PPP4R1: variants seen among roughly 807,000 people sequenced by gnomAD.
PPP4R1 encodes the protein serine/threonine-protein phosphatase 4 regulatory subunit 1.
Under a neutral mutation model 111.2 loss-of-function variants are expected in PPP4R1, and 42 were observed. That is an observed-to-expected ratio of 0.38 (90% CI 0.29 to 0.49). The LOEUF is 0.49. PPP4R1 is among the 20% of genes least tolerant of loss of function. PPP4R1 has a pLI of 0.97. For synonymous variants in PPP4R1, 409 were observed against 405.5 expected (o/e 1.01, Z -0.10); for missense variants, 1,012 against 1,161.6 (o/e 0.87, Z 1.87).
rs1467959434 is a variant in PPP4R1 at position 9,614,313 on chromosome 18, G to T, written c.8-43C>A. The T allele has an allele frequency of 1.2e-5, 14 of 1,200,174 alleles. No homozygotes were observed. In the East Asian group the frequency reaches 2.1e-4, roughly 18 times the overall value. The allele number at this position is 1,200,174 out of a possible 1,614,324, so 74.3% of individuals were successfully genotyped here. ...AAGAAAGGCCCGGTCAGCGCCCCGG[G>T]GCCCGGCGCGACGCCCCCCCCCCGC... On this transcript the variant is annotated intron_variant, in intron 1 of 19. Coordinates refer to ENST00000400556, the MANE Select transcript of PPP4R1 (RefSeq NM_001042388.3). This position sits in a 1 kb window ranked among gnomAD's most constrained non-coding sequence, Gnocchi z 4.1.
At chr18:9,550,790 G>A (rs2066476968) in intron 16 of PPP4R1, 1 of 180,282 alleles carries the variant, frequency 5.5e-6, no homozygotes, top group Admixed American at 5.6e-5. Flanking sequence ...CAGAGGGAGG[G>A]AGTCCACTGT....
intron 2 of PPP4R1, among the ~76,000 whole-genome samples, chr18:9,601,310 G>A (rs564614361): frequency 2.6e-5 from 4 of 151,666 alleles, no homozygotes; most frequent in African/African-American, 9.7e-5. Context: ...ATCACTTAGA[G>A]GTTAGGAGTT....
chr18:9,558,763 G>C (rs2066627773), intron 14 of PPP4R1, among the ~76,000 whole-genome samples: 2 of 150,874 alleles, frequency 1.3e-5, no homozygotes, highest in African/African-American at 4.9e-5. Context: ...TGTTCAAAGA[G>C]GGGCAAACTT....
Position 9,553,412 on chromosome 18 carries a change from A to G in PPP4R1, c.2201T>C (p.Ile734Thr), listed in dbSNP as rs772827967. The G allele has an allele frequency of 2.6e-6, 4 of 1,567,950 alleles. No homozygotes were observed. The highest frequency in any genetic ancestry group is 1.7e-5 in the Admixed American group (1 of 59,788). ...ATAAAGATATTCTCTTCTTTTGTCAATATGAAGAAGCTAAAGTAACAAAAT... is the reference window on the plus strand; with the variant it reads ...ATAAAGATATTCTCTTCTTTTGTCAGTATGAAGAAGCTAAAGTAACAAAAT... Reference protein sequence around the residue: ...HLHDFLKLLHIDKRREYLYQL... With the variant: ...HLHDFLKLLHTDKRREYLYQL... The change falls in exon 16 of 20, where the codon ATT becomes ACT. Residue 734 changes from isoleucine to threonine, a missense_variant. Physicochemically the swap from Ile to Thr is moderately conservative, Grantham distance 89. Around this residue, in one of 2 missense-constraint regions of PPP4R1, gnomAD observed 305 missense variants for 419.5 expected, o/e 0.73. Coordinates refer to ENST00000400556, the MANE Select transcript of PPP4R1 (RefSeq NM_001042388.3).
At chr18:9,573,350 T>G (rs2066889969) in intron 10 of PPP4R1, among the ~76,000 whole-genome samples, 2 of 152,190 alleles carry the variant, frequency 1.3e-5, no homozygotes, top group Non-Finnish European at 2.9e-5. Context: ...AAGAATATCA[T>G]GTCTAAAACT....
intron 3 of PPP4R1, chr18:9,594,739 A>C (rs557317117): frequency 2.9e-4 from 98 of 342,814 alleles, no homozygotes; most frequent in African/African-American, 1.8e-3. Context: ...ACTTCCCAAT[A>C]AGCAATTTAT....
chr18:9,558,714 T>G (rs76553855), intron 14 of PPP4R1, among the ~76,000 whole-genome samples: 1 of 150,776 alleles, frequency 6.6e-6, no homozygotes, highest in African/African-American at 2.5e-5. Context: ...TTTTTTTTTT[T>G]AAATAACTGA....
Position 9,555,939 on chromosome 18 carries a change from A to C in PPP4R1, c.2190+1282T>G, listed in dbSNP as rs551540860. Among the ~76,000 whole-genome samples the C allele has an allele frequency of 5.9e-5, 9 of 151,728 alleles. No individual in the cohort carries two copies. The South Asian group carries it at 1.9e-3, about 32-fold the overall frequency. The stretch of plus-strand genomic sequence containing the variant: ...ATCACAAGATCAGGAGATCAAGACC[A>C]TCCTGGCCAACACGGTGAAACCCCA... On this transcript the variant is annotated intron_variant, in intron 15 of 19. Coordinates refer to ENST00000400556, the MANE Select transcript of PPP4R1 (RefSeq NM_001042388.3).
chr18:9,616,450 A>T (rs1489520608), upstream of PPP4R1, among the ~76,000 whole-genome samples: 2 of 151,974 alleles, frequency 1.3e-5, no homozygotes, highest in African/African-American at 4.8e-5. Context: ...TATTTTTAAA[A>T]TTTTTTAGGG....
At chr18:9,563,719 G>A (rs1286429663) in intron 11 of PPP4R1, 169 bp from the exon 12 acceptor site, 45 of 519,386 alleles carry the variant, frequency 8.7e-5, no homozygotes. Context: ...AGTCCTTCAA[G>A]AGAAAAAGTA....
intron 11 of PPP4R1, among the ~76,000 whole-genome samples, chr18:9,564,733 TGTGTGG>T (rs569880957): frequency 0.26 from 27,997 of 107,858 alleles, 2,758 homozygotes; most frequent in Non-Finnish European, 0.31. Context: ...TGTGTGTGTG[TGTGTGG>T]GGGTATCATC....
rs749892086 is a variant in PPP4R1 at position 9,583,146 on chromosome 18, T to C, written c.889A>G (p.Ile297Val). The C allele has an allele frequency of 6.2e-7, 1 of 1,611,284 alleles. No individual in the cohort carries two copies. Among genetic ancestry groups the C allele is most frequent in the South Asian group, 1.1e-5 (1 of 90,752 alleles). ...CGTGAAGGATCACTGATCAAATTAA[T>C]AAAAAGTGCTGATAATTTGGTCCGT... is the stretch of plus-strand genomic sequence containing the variant. ...IRRTKLSALF[I>V]NLISDPSRWV... The change falls in exon 9 of 20, where the codon ATT becomes GTT. Residue 297 changes from isoleucine to valine, a missense_variant. Coordinates refer to ENST00000400556, the MANE Select transcript of PPP4R1 (RefSeq NM_001042388.3).
At chr18:9,562,990 C>T (rs2145059797) in intron 12 of PPP4R1, 3 of 1,004,656 alleles carry the variant, frequency 3.0e-6, no homozygotes, top group Non-Finnish European at 2.4e-6. Flanking sequence ...CGATCTTCTG[C>T]TCAGAATACT....
chr18:9,611,062 C>T (rs1231789462), intron 2 of PPP4R1, among the ~76,000 whole-genome samples: 1 of 152,110 alleles, frequency 6.6e-6, no homozygotes, highest in African/African-American at 2.4e-5. Flanking sequence ...TGGCAATGCC[C>T]CTCTTTCAAG....
At chr18:9,585,744 G>A (rs2067105006) in intron 6 of PPP4R1, among the ~76,000 whole-genome samples, 1 of 152,086 alleles carries the variant, frequency 6.6e-6, no homozygotes, top group Non-Finnish European at 1.5e-5. Context: ...AATTAGCAAT[G>A]AACAATGAAC....
rs1274823151 is a variant in PPP4R1, at chr18:9,614,192, G to A, written c.52+34C>T. The A allele has an allele frequency of 3.0e-6, 4 of 1,337,652 alleles. No homozygotes were observed. The highest frequency in any genetic ancestry group is 3.9e-6 in the Non-Finnish European group (4 of 1,031,996). 82.9% of individuals were successfully genotyped at this position (1,337,652 alleles called of 1,614,324 possible). ...CCGCCCTCCCCGGCCGCTCCCCGCG[G>A]ACTGCCAGGCCACCGCGAGGCCGGG... On this transcript the variant is annotated intron_variant, in intron 2 of 19. Coordinates refer to ENST00000400556, the MANE Select transcript of PPP4R1 (RefSeq NM_001042388.3). This position sits in a 1 kb window ranked among gnomAD's most constrained non-coding sequence, Gnocchi z 4.1.
At chr18:9,551,118 T>C (rs1234731672) in intron 16 of PPP4R1, 1 of 152,186 alleles carries the variant, frequency 6.6e-6, no homozygotes, top group South Asian at 2.1e-4. Context: ...GACACACTTA[T>C]TTTCTGACAA....
chr18:9,554,866 G>C (rs1438787285), intron 15 of PPP4R1, among the ~76,000 whole-genome samples: 1 of 152,220 alleles, frequency 6.6e-6, no homozygotes, highest in Non-Finnish European at 1.5e-5. Context: ...CAAATTTGAT[G>C]CTCAAAACAA....
At chr18:9,562,778 TTCTCCC>T (rs2066699672) in intron 12 of PPP4R1, 1 of 792,678 alleles carries the variant, frequency 1.3e-6, no homozygotes, top group African/African-American at 1.9e-5. Context: ...GGTGCATTCC[TTCTCCC>T]CATTTGTATA....
Sources: allele counts gnomAD v4.1 joint callset (sites outside exome capture counted in the v4.1 genomes callset), GRCh38; gene constraint gnomAD v4.1.1; regional missense constraint gnomAD v4.1.1; non-coding constraint Gnocchi (gnomAD v3.1); transcripts MANE v1.5; gene names NCBI Gene and HGNC (gene_info 2026-07-23, HGNC 2026-07-21).